The following MAP3K20 variants were observed in gnomAD, a reference collection of about 807,000 sequenced individuals.
MAP3K20 encodes mitogen-activated protein kinase kinase kinase 20.
Under a neutral mutation model 85.7 loss-of-function variants are expected in MAP3K20, and 40 were observed. That is an observed-to-expected ratio of 0.47 (90% CI 0.36 to 0.61). The LOEUF (loss-of-function observed/expected upper bound fraction) is 0.61, where lower values mean the gene tolerates loss of function less well. Among genes scored for constraint, MAP3K20 ranks in the 20% least tolerant of loss-of-function variants. The pLI, the probability that MAP3K20 is intolerant of heterozygous loss-of-function variation, is 0.00. For missense variants in MAP3K20, 817 were observed against 961.7 expected, an observed-to-expected ratio of 0.85 and a Z score of 1.99; for synonymous variants, 325 against 327.7, an observed-to-expected ratio of 0.99 and a Z score of 0.09.
chr2:173,181,771 G>A (rs1170087410), intron 3 of MAP3K20, among the ~76,000 whole-genome samples: 1 of 152,016 alleles, frequency 6.6e-6, no homozygotes, highest in Non-Finnish European at 1.5e-5. Context: ...TATGCGGCCA[G>A]GCGCAGTGGC....
At chr2:173,152,842 G>C (rs1689347682) in intron 2 of MAP3K20, among the ~76,000 whole-genome samples, 1 of 151,156 alleles carries the variant, frequency 6.6e-6, no homozygotes, top group African/African-American at 2.4e-5. Flanking sequence ...TAGGAGATTT[G>C]AGGCTCCCAA....
At chr2:173,079,304 C>T (rs1213342741) in intron 1 of MAP3K20, among the ~76,000 whole-genome samples, 1 of 151,840 alleles carries the variant, frequency 6.6e-6, no homozygotes, top group African/African-American at 2.4e-5. Flanking sequence ...AATGGTACAC[C>T]CGTATAGGGC....
intron 3 of MAP3K20, among the ~76,000 whole-genome samples, chr2:173,177,561 C>A (rs1347350284): frequency 2.0e-5 from 3 of 150,930 alleles, no homozygotes; most frequent in African/African-American, 7.3e-5. Context: ...GATTCTCCTG[C>A]CTCGGCCTCC....
intron 2 of MAP3K20, among the ~76,000 whole-genome samples, chr2:173,103,764 G>A (rs1476556494): frequency 6.6e-6 from 1 of 152,066 alleles, no homozygotes; most frequent in Non-Finnish European, 1.5e-5. Flanking sequence ...CACTGAAAGA[G>A]GTAACTCTAC....
At chr2:173,148,373 G>A (rs1437248614) in intron 2 of MAP3K20, among the ~76,000 whole-genome samples, 1 of 152,148 alleles carries the variant, frequency 6.6e-6, no homozygotes, top group Non-Finnish European at 1.5e-5. Flanking sequence ...ATGAGAGGTA[G>A]GCTGTTTCAT....
At chr2:173,150,049 A>G (rs1186846774) in intron 2 of MAP3K20, among the ~76,000 whole-genome samples, 2 of 152,192 alleles carry the variant, frequency 1.3e-5, no homozygotes, top group Non-Finnish European at 2.9e-5. Flanking sequence ...GTGATCTCTG[A>G]CACAGAAATC....
intron 7 of MAP3K20, among the ~76,000 whole-genome samples, chr2:173,196,088 GTT>G (rs35003056): frequency 0.77 from 116,591 of 151,906 alleles, 46,304 homozygotes; most frequent in Non-Finnish European, 0.87. Context: ...TACACGGCGT[GTT>G]TATCATACCT....
At chr2:173,157,418 C>T (rs78686002) in intron 2 of MAP3K20, among the ~76,000 whole-genome samples, 3,278 of 151,166 alleles carry the variant, frequency 0.022, 61 homozygotes, top group South Asian at 0.047. Context: ...AACCCCAAAA[C>T]AGTAAAATCA....
chr2:173,093,683 A>G (rs978746132), intron 2 of MAP3K20, among the ~76,000 whole-genome samples: 4 of 152,158 alleles, frequency 2.6e-5, no homozygotes, highest in African/African-American at 9.7e-5. Context: ...ATAAAGACAC[A>G]TGCACACGTA....
intron 2 of MAP3K20, among the ~76,000 whole-genome samples, chr2:173,154,661 TTTTA>T (rs1689412368): frequency 6.6e-6 from 1 of 152,242 alleles, no homozygotes; most frequent in Admixed American, 6.5e-5. Context: ...GTTTATTTCT[TTTTA>T]TTTGACTTCC....
chr2:173,140,330 C>G (rs1411235361), intron 2 of MAP3K20, among the ~76,000 whole-genome samples: 1 of 150,570 alleles, frequency 6.6e-6, no homozygotes, highest in Admixed American at 6.6e-5. Context: ...ACTTTAAAAT[C>G]ATTAGTTTGT....
chr2:173,189,256 A>AAGTTTGTAGCTTATT (rs1690580467), intron 5 of MAP3K20, among the ~76,000 whole-genome samples: 1 of 152,202 alleles, frequency 6.6e-6, no homozygotes. Context: ...CTATTTGTAA[A>AAGTTTGTAGCTTATT]AGTTTGTAGC....
intron 2 of MAP3K20, among the ~76,000 whole-genome samples, chr2:173,165,217 T>A (rs1259327611): frequency 6.6e-6 from 1 of 151,570 alleles, no homozygotes; most frequent in Non-Finnish European, 1.5e-5. Flanking sequence ...GAGACCAGCC[T>A]GGCCAACATG....
intron 1 of MAP3K20, among the ~76,000 whole-genome samples, chr2:173,083,291 T>C (rs573204290): frequency 6.6e-6 from 1 of 152,344 alleles, no homozygotes; most frequent in Non-Finnish European, 1.5e-5. Flanking sequence ...AAAGGAAATA[T>C]CTGGTAGATA....
At chr2:173,226,228 C>T (rs1684384320) in intron 11 of MAP3K20, 3 of 985,234 alleles carry the variant, frequency 3.0e-6, no homozygotes, top group African/African-American at 1.7e-5. Context: ...GAATGACCTC[C>T]CAGAATTACT....
chr2:173,090,876 A>C (rs1687275917), intron 1 of MAP3K20, 122 bp from the exon 2 acceptor site: 1 of 1,368,750 alleles, frequency 7.3e-7, no homozygotes. Flanking sequence ...CTTCTTCCTA[A>C]GTCACCGTGA....
At chr2:173,227,559 C>G (rs1281811844) in intron 11 of MAP3K20, among the ~76,000 whole-genome samples, 1 of 152,182 alleles carries the variant, frequency 6.6e-6, no homozygotes, top group Non-Finnish European at 1.5e-5. Flanking sequence ...AGTGAGCGTC[C>G]AGCTGAAGCC....
intron 11 of MAP3K20, chr2:173,221,747 A>G (rs1684257782): frequency 1.6e-6 from 2 of 1,251,028 alleles, no homozygotes; most frequent in African/African-American, 3.0e-5. Context: ...ATATTTATGA[A>G]TCAGCAAATG....
At chr2:173,155,649 C>T (rs958900456) in intron 2 of MAP3K20, among the ~76,000 whole-genome samples, 1 of 152,146 alleles carries the variant, frequency 6.6e-6, no homozygotes, top group Non-Finnish European at 1.5e-5. Flanking sequence ...TCTGAAAGTA[C>T]TGAGGGGCAT....
Sources: gnomAD v4.1 joint callset for allele counts (sites outside exome capture counted in the v4.1 genomes callset) on GRCh38, gnomAD v4.1.1 for gene constraint, MANE v1.5 for transcripts, NCBI Gene and HGNC (gene_info 2026-07-23, HGNC 2026-07-21) for gene names.